CENPQ: variants seen among roughly 807,000 people sequenced by gnomAD.
CENPQ encodes chromosome 6 open reading frame 139.
CENPQ carries 27 observed loss-of-function variants against 36.6 expected under a neutral mutation model. That is an observed-to-expected ratio of 0.74 (90% CI 0.54 to 1.02). CENPQ has a LOEUF of 1.02. Ranked by LOEUF, CENPQ falls within the 50% of genes least tolerant of loss-of-function variation. The probability of loss-of-function intolerance (pLI) is 0.00; values close to 1 mark genes in which losing one functional copy is unlikely to be tolerated. For missense variants in CENPQ, 306 were observed against 301.8 expected (o/e 1.01, Z -0.10); for synonymous variants, 101 against 101.7 (o/e 0.99, Z 0.04).
Position 49,470,766 on chromosome 6 carries a change from T to C in CENPQ, c.103-208T>C, listed in dbSNP as rs555651738. 4.6e-5 allele frequency among the ~76,000 whole-genome samples: 7 copies of C among 152,366 alleles called. No individual in the cohort carries two copies. The South Asian group carries it at 1.4e-3, about 32-fold the overall frequency. On this transcript the variant is annotated intron_variant, in intron 2 of 8. Transcript: ENST00000335783. The stretch of plus-strand genomic sequence containing the variant: ...TTTGACACTGTATAAAATTCTGTTA[T>C]TATCATCATTGTCAAGAATTGCTTT...
At chr6:49,470,882 CTT>C (rs937162372) in intron 2 of CENPQ, 90 bp from the exon 3 acceptor site, 36 of 654,640 alleles carry the variant, frequency 5.5e-5, no homozygotes, top group South Asian at 7.6e-5. Flanking sequence ...TATGAATACT[CTT>C]TGACATATAT....
intron 6 of CENPQ, among the ~76,000 whole-genome samples, chr6:49,482,464 G>A (rs959900045): frequency 3.9e-5 from 6 of 152,194 alleles, no homozygotes; most frequent in South Asian, 4.1e-4. Flanking sequence ...CCTGCTGGAT[G>A]GGGCGATGAA....
intron 5 of CENPQ, among the ~76,000 whole-genome samples, chr6:49,475,007 A>G (rs2127424917): frequency 6.6e-6 from 1 of 152,304 alleles, no homozygotes; most frequent in South Asian, 2.1e-4. Context: ...AAATGGAGGC[A>G]ATAATTAATA....
At chr6:49,475,893 A>T (rs1768276347) in intron 5 of CENPQ, among the ~76,000 whole-genome samples, 1 of 149,724 alleles carries the variant, frequency 6.7e-6, no homozygotes, top group Non-Finnish European at 1.5e-5. Flanking sequence ...CTTCAAGGAG[A>T]ACTACAAACC....
chr6:49,480,858 A>G, intron 5 of CENPQ, 93 bp from the exon 6 acceptor site: 1 of 827,240 alleles, frequency 1.2e-6, no homozygotes, highest in Middle Eastern at 3.1e-4. Context: ...TTGTACCCTT[A>G]AGAATATGAG....
rs368250307 is a variant in CENPQ at position 49,465,728 on chromosome 6, T to C, written c.-19+2275T>C. Among the ~76,000 whole-genome samples the C allele has an allele frequency of 4.6e-5, 7 of 152,334 alleles. 1 individual carries two copies. The highest frequency in any genetic ancestry group is 1.7e-4 in the African/African-American group (7 of 41,590). On this transcript the variant is annotated intron_variant, in intron 1 of 8. Coordinates refer to ENST00000335783, the MANE Select transcript of CENPQ (RefSeq NM_018132.4). ...CTCACCTCTCTCAGCTTTCATAGAA[T>C]TGAAGTGAGTTAAGACCTTGCCATG... is the stretch of plus-strand genomic sequence containing the variant.
intron 5 of CENPQ, among the ~76,000 whole-genome samples, chr6:49,477,013 G>A (rs1046728358): frequency 6.6e-6 from 1 of 152,168 alleles, no homozygotes; most frequent in African/African-American, 2.4e-5. Flanking sequence ...ACAGTGTGGC[G>A]ATTCCTCAAG....
intron 8 of CENPQ, 95 bp downstream of exon 8, chr6:49,488,779 C>T (rs572606702): frequency 8.7e-6 from 8 of 924,642 alleles, no homozygotes; most frequent in South Asian, 6.7e-5. Context: ...ACTGCAATAA[C>T]GCAAGTCACA....
At chr6:49,490,005 A>G (rs1436138727) in intron 8 of CENPQ, among the ~76,000 whole-genome samples, 1 of 152,240 alleles carries the variant, frequency 6.6e-6, no homozygotes, top group African/African-American at 2.4e-5. Flanking sequence ...CAGAATGATC[A>G]GTGAGCATTG....
At chr6:49,471,994 A>T (rs535971062) in intron 3 of CENPQ, 69 bp from the exon 4 acceptor site, 1 of 1,474,920 alleles carries the variant, frequency 6.8e-7, no homozygotes, top group African/African-American at 1.4e-5. Context: ...AGATGAAAAC[A>T]TTCCATTTTT....
intron 5 of CENPQ, among the ~76,000 whole-genome samples, chr6:49,476,215 C>A (rs1264464672): frequency 3.3e-5 from 5 of 152,102 alleles, no homozygotes; most frequent in African/African-American, 1.2e-4. Flanking sequence ...GGTACTGGTA[C>A]CAAAACAGAG....
intron 6 of CENPQ, among the ~76,000 whole-genome samples, chr6:49,481,456 C>A (rs1023256992): frequency 6.6e-6 from 1 of 152,096 alleles, no homozygotes; most frequent in Non-Finnish European, 1.5e-5. Flanking sequence ...AGTGAAGCTG[C>A]AGACCTTCGC....
intron 5 of CENPQ, among the ~76,000 whole-genome samples, chr6:49,480,168 C>G (rs976309394): frequency 6.6e-6 from 1 of 151,982 alleles, no homozygotes; most frequent in African/African-American, 2.4e-5. Flanking sequence ...CACTATTGTT[C>G]AGATTTCTTC....
intron 5 of CENPQ, 54 bp downstream of exon 5, chr6:49,472,912 T>G: frequency 8.4e-7 from 1 of 1,184,882 alleles, no homozygotes; most frequent in Non-Finnish European, 1.1e-6. Context: ...AAAACCTGAC[T>G]TCTTTCTATG....
intron 5 of CENPQ, among the ~76,000 whole-genome samples, chr6:49,475,299 A>G (rs936698290): frequency 6.6e-6 from 1 of 152,224 alleles, no homozygotes; most frequent in Non-Finnish European, 1.5e-5. Flanking sequence ...AATCCAGCAT[A>G]TAAACCAAAC....
chr6:49,467,211 C>T (rs1056294081), intron 1 of CENPQ, among the ~76,000 whole-genome samples: 5 of 152,172 alleles, frequency 3.3e-5, no homozygotes, highest in Admixed American at 3.3e-4. Context: ...TCTGTTAGAC[C>T]AGTTTTGCTT....
chr6:49,492,462 A>G lies in CENPQ; in HGVS notation c.*187A>G. 4.1e-6 allele frequency: 2 copies of G among 486,256 alleles called. No individual in the cohort carries two copies. Among genetic ancestry groups the G allele is most frequent in the Non-Finnish European group, 6.9e-6 (2 of 288,756 alleles). The allele number at this position is 486,256 out of a possible 1,614,324, so 30.1% of individuals were successfully genotyped here. On this transcript the variant is annotated 3_prime_UTR_variant, in exon 9 of 9. Transcript: ENST00000335783. The stretch of plus-strand genomic sequence containing the variant: ...TAATGTAGTTCTGAAGACTGTTTTT[A>G]GCAGTTGCCAAATCTAGGAAACTAA...
At position 49,480,876 on chromosome 6, in the gene CENPQ, A is replaced by G; in HGVS notation, c.348-75A>G. On this transcript the variant is annotated intron_variant, in intron 5 of 8. Coordinates refer to ENST00000335783, the MANE Select transcript of CENPQ (RefSeq NM_018132.4). ...TACCCTTAAGAATATGAGGACAAGAAAAAATGAGGACTGTTTTAAAATAAT... is the reference window on the plus strand; with the variant it reads ...TACCCTTAAGAATATGAGGACAAGAGAAAATGAGGACTGTTTTAAAATAAT... 3 of 1,088,678 alleles carry G rather than the reference A, an allele frequency of 2.8e-6. No homozygotes were observed. In the South Asian group the frequency reaches 5.8e-5, roughly 21 times the overall value. The allele number at this position is 1,088,678 out of a possible 1,614,324, so 67.4% of individuals were successfully genotyped here.
intron 6 of CENPQ, among the ~76,000 whole-genome samples, chr6:49,483,415 C>A (rs941246307): frequency 6.6e-6 from 1 of 152,194 alleles, no homozygotes; most frequent in Non-Finnish European, 1.5e-5. Flanking sequence ...CTGTGCTGTG[C>A]GCCCGCACTC....
Sources: gnomAD v4.1 joint callset for allele counts (sites outside exome capture counted in the v4.1 genomes callset) on GRCh38, gnomAD v4.1.1 for gene constraint, MANE v1.5 for transcripts, NCBI Gene and HGNC (gene_info 2026-07-23, HGNC 2026-07-21) for gene names.